The following NCAM2 variants were observed in gnomAD, a reference collection of about 807,000 sequenced individuals.
The protein encoded by NCAM2 is N-CAM-2.
NCAM2 carries 30 observed loss-of-function variants against 98.1 expected under a neutral mutation model. The observed-to-expected ratio is 0.31, with a 90% CI of 0.23 to 0.41. The LOEUF is 0.41. Among genes scored for constraint, NCAM2 ranks in the 10% least tolerant of loss-of-function variants. The pLI is 1.00. For missense variants in NCAM2, 867 were observed against 1,005.8 expected, an observed-to-expected ratio of 0.86 and a Z score of 1.87; for synonymous variants, 368 against 342.4, an observed-to-expected ratio of 1.07 and a Z score of -0.83.
At chr21:21,530,207 A>G (rs9981942) in intron 16 of NCAM2, among the ~76,000 whole-genome samples, 1,391 of 30,938 alleles carry the variant, frequency 0.045, 66 homozygotes, top group African/African-American at 0.087. Context: ...AATTATATAT[A>G]ATTTAATTTA....
At chr21:21,233,199 A>G (rs971574416) in intron 1 of NCAM2, among the ~76,000 whole-genome samples, 1 of 151,030 alleles carries the variant, frequency 6.6e-6, no homozygotes, top group Admixed American at 6.6e-5. Context: ...TTTTAGTTCT[A>G]CCTCCCTCTC....
At chr21:21,025,219 G>A (rs1230078473) in intron 1 of NCAM2, among the ~76,000 whole-genome samples, 1 of 151,934 alleles carries the variant, frequency 6.6e-6, no homozygotes, top group Admixed American at 6.6e-5. Flanking sequence ...TTGAGTAGCT[G>A]GGATTACAGG....
At chr21:21,451,930 T>G (rs1981134653) in intron 12 of NCAM2, among the ~76,000 whole-genome samples, 1 of 152,026 alleles carries the variant, frequency 6.6e-6, no homozygotes. Flanking sequence ...CCCCATCTAT[T>G]GGTTGGGCCA....
At chr21:21,121,924 A>T (rs77412189) in intron 1 of NCAM2, among the ~76,000 whole-genome samples, 3 of 152,374 alleles carry the variant, frequency 2.0e-5, no homozygotes, top group Non-Finnish European at 4.4e-5. Flanking sequence ...TGAAAAGGAC[A>T]ATTCATTGAG....
chr21:21,194,117 A>T (rs1568749334), intron 1 of NCAM2, among the ~76,000 whole-genome samples: 1 of 152,230 alleles, frequency 6.6e-6, no homozygotes, highest in African/African-American at 2.4e-5. Flanking sequence ...TTCTTAATGT[A>T]TAGTTCCATA....
chr21:21,359,731 T>A (rs933816026), intron 8 of NCAM2, among the ~76,000 whole-genome samples: 2 of 151,936 alleles, frequency 1.3e-5, no homozygotes, highest in African/African-American at 4.8e-5. Context: ...CAGAATTCAG[T>A]TAGCATTTAC....
At chr21:21,246,502 G>C (rs1181868707) in intron 1 of NCAM2, among the ~76,000 whole-genome samples, 1 of 152,080 alleles carries the variant, frequency 6.6e-6, no homozygotes, top group Non-Finnish European at 1.5e-5. Flanking sequence ...TGTTATTACA[G>C]AAATATGTTT....
chr21:21,013,166 C>T (rs1478037789), intron 1 of NCAM2, among the ~76,000 whole-genome samples: 2 of 151,738 alleles, frequency 1.3e-5, no homozygotes, highest in Non-Finnish European at 2.9e-5. Context: ...GTGAGGAAGG[C>T]ATATTGAAAG....
At chr21:21,497,656 C>A (rs1569119982) in intron 15 of NCAM2, among the ~76,000 whole-genome samples, 1 of 152,050 alleles carries the variant, frequency 6.6e-6, no homozygotes, top group Admixed American at 6.6e-5. Context: ...CATTTAAAAT[C>A]ATTAGAGAAT....
chr21:21,431,433 A>G (rs945952631), intron 11 of NCAM2, among the ~76,000 whole-genome samples: 3 of 152,020 alleles, frequency 2.0e-5, no homozygotes, highest in African/African-American at 7.2e-5. Context: ...TTGAACTTGA[A>G]ATAATTTAAG....
intron 1 of NCAM2, among the ~76,000 whole-genome samples, chr21:21,070,221 T>G (rs560923873): frequency 1.3e-5 from 2 of 151,118 alleles, no homozygotes; most frequent in East Asian, 3.9e-4. Context: ...GAACAACCCA[T>G]TTATAAAAGT....
chr21:21,302,828 T>C (rs1259376263), intron 5 of NCAM2, among the ~76,000 whole-genome samples: 1 of 152,090 alleles, frequency 6.6e-6, no homozygotes, highest in African/African-American at 2.4e-5. Context: ...CTATTCACAA[T>C]AGTACACACA....
chr21:21,187,601 A>T (rs2068682791), intron 1 of NCAM2, among the ~76,000 whole-genome samples: 1 of 152,208 alleles, frequency 6.6e-6, no homozygotes, highest in Non-Finnish European at 1.5e-5. Context: ...AAGTCATTTT[A>T]AAGGAACAGT....
chr21:21,374,117 A>G lies in NCAM2; in HGVS notation c.1195+104A>G. 3.9e-6 allele frequency: 4 copies of G among 1,035,710 alleles called. No homozygotes were observed. In the South Asian group the frequency reaches 5.1e-5, roughly 13 times the overall value. 64.2% of individuals were successfully genotyped at this position (1,035,710 alleles called of 1,614,324 possible). A position where few individuals can be genotyped will look rare whatever the true frequency, so the allele number is the denominator to read the frequency against. Reference sequence around the variant, plus strand: ...ATATATATGTAGTTCACATTTCAGTACTTAATGCATAGCTTTAGAGGAAAT... The same window carrying G: ...ATATATATGTAGTTCACATTTCAGTGCTTAATGCATAGCTTTAGAGGAAAT... On this transcript the variant is annotated intron_variant, in intron 9 of 17. Transcript: ENST00000400546.
At chr21:21,205,842 G>A (rs941219105) in intron 1 of NCAM2, among the ~76,000 whole-genome samples, 2 of 152,010 alleles carry the variant, frequency 1.3e-5, no homozygotes, top group African/African-American at 2.4e-5. Flanking sequence ...TTCACAAATG[G>A]CACCTTTTAG....
At chr21:21,467,547 T>C (rs1340678731) in intron 13 of NCAM2, among the ~76,000 whole-genome samples, 1 of 151,602 alleles carries the variant, frequency 6.6e-6, no homozygotes, top group Non-Finnish European at 1.5e-5. Flanking sequence ...TTCCCAATGC[T>C]GGTGGTTAAG....
intron 8 of NCAM2, among the ~76,000 whole-genome samples, chr21:21,370,705 C>T (rs73894635): frequency 9.6e-4 from 146 of 151,844 alleles, no homozygotes; most frequent in African/African-American, 3.3e-3. Flanking sequence ...CCTGGTCATT[C>T]AGCTGCTAAA....
At chr21:21,486,172 C>T (rs917875611) in intron 15 of NCAM2, among the ~76,000 whole-genome samples, 2 of 151,862 alleles carry the variant, frequency 1.3e-5, no homozygotes, top group East Asian at 1.9e-4. Context: ...GGCGTGGTGG[C>T]GGGCGCCTGT....
intron 9 of NCAM2, among the ~76,000 whole-genome samples, chr21:21,398,351 A>G (rs1236485708): frequency 2.0e-5 from 3 of 152,206 alleles, no homozygotes; most frequent in Non-Finnish European, 4.4e-5. Context: ...AATCCCACAA[A>G]TCAGCACTAA....
Sources: gnomAD v4.1 joint callset for allele counts (sites outside exome capture counted in the v4.1 genomes callset) on GRCh38, gnomAD v4.1.1 for gene constraint, MANE v1.5 for transcripts, NCBI Gene and HGNC (gene_info 2026-07-23, HGNC 2026-07-21) for gene names.